The following KIAA1217 variants were observed in gnomAD, a reference collection of about 807,000 sequenced individuals.
KIAA1217 encodes the protein KIAA1217.
KIAA1217 carries 88 observed loss-of-function variants against 163.9 expected under a neutral mutation model. That is an observed-to-expected ratio of 0.54 (90% confidence interval 0.45 to 0.64). The LOEUF (loss-of-function observed/expected upper bound fraction) is 0.64, where lower values mean the gene tolerates loss of function less well. Ranked by LOEUF, KIAA1217 falls within the 30% of genes least tolerant of loss-of-function variation. KIAA1217 has a pLI of 0.00. For synonymous variants in KIAA1217, 903 were observed against 923.1 expected, an observed-to-expected ratio of 0.98 and a Z score of 0.39; for missense variants, 2,372 against 2,475.0, an observed-to-expected ratio of 0.96 and a Z score of 0.88.
At chr10:24,264,584 C>T (rs1035749595) in intron 2 of KIAA1217, among the ~76,000 whole-genome samples, 5 of 152,126 alleles carry the variant, frequency 3.3e-5, no homozygotes, top group African/African-American at 9.7e-5. Context: ...TAACGTGTTT[C>T]CTTCTATTCC....
At chr10:23,818,974 A>G (rs1351343749) in intron 1 of KIAA1217, among the ~76,000 whole-genome samples, 3 of 152,238 alleles carry the variant, frequency 2.0e-5, no homozygotes, top group Non-Finnish European at 4.4e-5. Flanking sequence ...TAATGTGTTT[A>G]AAATGATTGT....
chr10:23,887,953 A>AT (rs1841254063), intron 1 of KIAA1217, among the ~76,000 whole-genome samples: 1 of 151,866 alleles, frequency 6.6e-6, no homozygotes, highest in Admixed American at 6.6e-5. Context: ...TATCTTTGTG[A>AT]TTTTGTGTAA....
At chr10:23,890,724 TATTGA>T in intron 1 of KIAA1217, among the ~76,000 whole-genome samples, 1 of 152,140 alleles carries the variant, frequency 6.6e-6, no homozygotes, top group East Asian at 1.9e-4. Context: ...ATTATGAGGT[TATTGA>T]ATAAAGTATT....
At chr10:23,976,161 G>A (rs1416563855) in intron 1 of KIAA1217, among the ~76,000 whole-genome samples, 1 of 152,126 alleles carries the variant, frequency 6.6e-6, no homozygotes, top group Non-Finnish European at 1.5e-5. Context: ...GCAGATCAGT[G>A]GATTTTATCC....
chr10:24,127,109 C>A (rs185372714), intron 2 of KIAA1217, among the ~76,000 whole-genome samples: 81 of 152,256 alleles, frequency 5.3e-4, no homozygotes, highest in African/African-American at 1.9e-3. Flanking sequence ...TCTACTTTGA[C>A]CTTTTGACCT....
At chr10:23,925,550 T>A (rs1426144129) in intron 1 of KIAA1217, among the ~76,000 whole-genome samples, 1 of 152,264 alleles carries the variant, frequency 6.6e-6, no homozygotes, top group Admixed American at 6.5e-5. Context: ...TTTGAAAGAC[T>A]TTTCTGAGTG....
At chr10:24,287,625 G>A (rs186608734) in intron 2 of KIAA1217, among the ~76,000 whole-genome samples, 1 of 152,312 alleles carries the variant, frequency 6.6e-6, no homozygotes, top group Admixed American at 6.5e-5. Flanking sequence ...GTATGGAAAT[G>A]AATTTTGTTG....
chr10:24,279,042 G>A (rs1427766612), intron 2 of KIAA1217, among the ~76,000 whole-genome samples: 1 of 151,844 alleles, frequency 6.6e-6, no homozygotes, highest in Non-Finnish European at 1.5e-5. Flanking sequence ...TAGAGACAGG[G>A]TTTGCCAGGC....
chr10:23,741,753 A>G (rs975513620), intron 1 of KIAA1217, among the ~76,000 whole-genome samples: 1 of 152,184 alleles, frequency 6.6e-6, no homozygotes. Context: ...CAAACATCAA[A>G]CAAATCCACA....
rs201399284 is a variant in KIAA1217 at position 24,432,981 on chromosome 10, T to G, written c.554-14T>G. The G allele has an allele frequency of 6.8e-6, 11 of 1,612,318 alleles. No individual in the cohort carries two copies. Among genetic ancestry groups the G allele is most frequent in the Middle Eastern group, 1.7e-4 (1 of 6,060 alleles). Reference sequence around the variant, plus strand: ...TCTTGACCTGTGACTAATAACTGTTTCCTTTGTGTGCAGGGGTTCTCTATC... The same window carrying G: ...TCTTGACCTGTGACTAATAACTGTTGCCTTTGTGTGCAGGGGTTCTCTATC... On this transcript the variant is annotated splice_polypyrimidine_tract_variant and intron_variant, in intron 3 of 20. Transcript: ENST00000376454.
chr10:23,787,786 G>A (rs1261644572), intron 1 of KIAA1217, among the ~76,000 whole-genome samples: 1 of 152,096 alleles, frequency 6.6e-6, no homozygotes, highest in Non-Finnish European at 1.5e-5. Context: ...TCGTAAAAAT[G>A]TTAACCCACT....
In KIAA1217 at chr10:24,544,468, CA is replaced by C; in HGVS notation, c.5199del (p.Ala1734LeufsTer19). On this transcript the variant is annotated frameshift_variant, in exon 19 of 21. Coordinates refer to ENST00000376454, the MANE Select transcript of KIAA1217 (RefSeq NM_019590.5). LOFTEE classifies it high-confidence loss of function. ...CTAGAGCCCCCTACGTCGATACCTT[CA>C]GCTTCACGTAAGGTATCTTGGTCTG... The part of the protein sequence containing the change: ...TALEPPTSIP[S>X]ASRKGSSGAP... 1.2e-6 allele frequency: 2 copies of C among 1,611,322 alleles called. No homozygotes were observed. The highest frequency in any genetic ancestry group is 1.7e-6 in the Non-Finnish European group (2 of 1,178,270).
chr10:24,306,806 G>A (rs563461061), intron 2 of KIAA1217, among the ~76,000 whole-genome samples: 27 of 152,336 alleles, frequency 1.8e-4, no homozygotes, highest in Admixed American at 1.2e-3. Flanking sequence ...TCACAGTTTG[G>A]AATGTGATGT....
intron 1 of KIAA1217, among the ~76,000 whole-genome samples, chr10:23,830,718 G>C (rs11013735): frequency 0.19 from 28,146 of 149,120 alleles, 2,793 homozygotes; most frequent in Middle Eastern, 0.28. Context: ...AGATAGATAG[G>C]TAGATAGATA....
At chr10:24,458,789 T>C (rs547315769) in intron 5 of KIAA1217, among the ~76,000 whole-genome samples, 4 of 152,282 alleles carry the variant, frequency 2.6e-5, no homozygotes, top group South Asian at 2.1e-4. Context: ...TCTTGGCAGA[T>C]TTAATTGACA....
At chr10:24,117,522 T>C (rs1004327731) in intron 2 of KIAA1217, among the ~76,000 whole-genome samples, 1 of 151,974 alleles carries the variant, frequency 6.6e-6, no homozygotes, top group South Asian at 2.1e-4. Context: ...CCCAGCTACT[T>C]GGGAGGTTGA....
intron 1 of KIAA1217, among the ~76,000 whole-genome samples, chr10:23,914,940 G>A (rs1842577847): frequency 6.6e-6 from 1 of 152,122 alleles, no homozygotes; most frequent in South Asian, 2.1e-4. Context: ...ATGTAGGTTT[G>A]AGAGTCACTA....
At chr10:24,280,662 T>C (rs1023558473) in intron 2 of KIAA1217, among the ~76,000 whole-genome samples, 2 of 151,828 alleles carry the variant, frequency 1.3e-5, no homozygotes, top group East Asian at 3.9e-4. Context: ...AACAAAAAAT[T>C]AGCCAAGCAT....
At chr10:24,212,552 G>A (rs1207493091) in intron 1 of KIAA1217, among the ~76,000 whole-genome samples, 2 of 152,132 alleles carry the variant, frequency 1.3e-5, no homozygotes, top group Non-Finnish European at 2.9e-5. Context: ...GGAAAAAATA[G>A]CAAAAGTGGA....
Sources: gnomAD v4.1 joint callset for allele counts (sites outside exome capture counted in the v4.1 genomes callset) on GRCh38, gnomAD v4.1.1 for gene constraint, MANE v1.5 for transcripts, NCBI Gene and HGNC (gene_info 2026-07-23, HGNC 2026-07-21) for gene names.